EPB41: variants seen among roughly 807,000 people sequenced by gnomAD.
EPB41 encodes protein 4.1.
A neutral mutation model predicts 108.0 loss-of-function variants in EPB41; 65 were observed. The observed-to-expected ratio is 0.60, with a 90% CI of 0.49 to 0.74. The LOEUF is 0.74. EPB41 is among the 30% of genes least tolerant of loss of function. EPB41 has a pLI of 0.00. For missense variants in EPB41, 875 were observed against 1,037.0 expected (o/e 0.84, Z 2.15); for synonymous variants, 336 against 358.9 (o/e 0.94, Z 0.72).
chr1:29,053,679 C>T (rs1333287197), intron 12 of EPB41: 1 of 203,346 alleles, frequency 4.9e-6, no homozygotes, highest in East Asian at 1.3e-4. Context: ...CCTGCCTCAG[C>T]CTCCTGATTA....
At chr1:28,979,208 G>C (rs1324392042) in intron 1 of EPB41, among the ~76,000 whole-genome samples, 2 of 151,488 alleles carry the variant, frequency 1.3e-5, no homozygotes, top group Admixed American at 1.3e-4. Context: ...AAGTTTAAAA[G>C]CTAATTATTA....
At chr1:29,055,905 C>G (rs1645295814) in intron 12 of EPB41, among the ~76,000 whole-genome samples, 1 of 121,180 alleles carries the variant, frequency 8.3e-6, no homozygotes, top group Non-Finnish European at 1.6e-5. Flanking sequence ...GCCACGCCAG[C>G]CTGGGCAACA....
At chr1:28,910,947 A>G, upstream of EPB41, 1 of 983,986 alleles carries the variant, frequency 1.0e-6, no homozygotes, top group Non-Finnish European at 1.2e-6. Flanking sequence ...GCTGCCACCC[A>G]GATGTGAGCA....
chr1:29,103,730 C>T (rs756234818), intron 17 of EPB41, among the ~76,000 whole-genome samples: 12 of 152,028 alleles, frequency 7.9e-5, no homozygotes, highest in African/African-American at 2.7e-4. Context: ...TGCAGTGGCG[C>T]GATCTCGGCT....
In EPB41 at chr1:28,980,985, C is replaced by T. The variant is rs1262870078; in HGVS notation, c.-7-6446C>T. On this transcript the variant is annotated intron_variant, in intron 1 of 20. Transcript: ENST00000343067. ...ACAGGGTTTTACCACTTTGGCCAGG[C>T]TGGCCTCGAACTCCTGACCTCAGGT... Among the ~76,000 whole-genome samples, 3 of 152,180 alleles carry T rather than the reference C, an allele frequency of 2.0e-5. No individual in the cohort carries two copies. In the East Asian group the frequency reaches 5.8e-4, roughly 29 times the overall value.
chr1:29,024,166 C>T (rs189921131), intron 7 of EPB41, among the ~76,000 whole-genome samples: 2 of 151,432 alleles, frequency 1.3e-5, no homozygotes, highest in Admixed American at 1.3e-4. Flanking sequence ...GAAACCCCAT[C>T]TCTACTGAAA....
intron 1 of EPB41, among the ~76,000 whole-genome samples, chr1:28,935,597 C>T (rs2093988514): frequency 6.6e-6 from 1 of 151,620 alleles, no homozygotes; most frequent in Non-Finnish European, 1.5e-5. Flanking sequence ...TCAAATAGAG[C>T]TTCCATCGAG....
intron 16 of EPB41, among the ~76,000 whole-genome samples, chr1:29,086,474 A>G (rs571882036): frequency 5.8e-4 from 88 of 152,074 alleles, no homozygotes; most frequent in African/African-American, 1.7e-3. Context: ...GGGTTTCACC[A>G]TGTTGGCCAG....
intron 17 of EPB41, among the ~76,000 whole-genome samples, chr1:29,100,465 A>AAAAT (rs887260981): frequency 7.5e-5 from 11 of 146,748 alleles, no homozygotes; most frequent in East Asian, 6.0e-4. Flanking sequence ...TCTGTCTCAA[A>AAAAT]AAATAAATAA....
At chr1:29,054,799 A>G (rs917382834) in intron 12 of EPB41, among the ~76,000 whole-genome samples, 10 of 152,094 alleles carry the variant, frequency 6.6e-5, no homozygotes, top group South Asian at 4.1e-4. Context: ...GCTTCAGTGC[A>G]CCGAGATCGC....
At chr1:29,110,697 A>G (rs1232865728) in intron 18 of EPB41, among the ~76,000 whole-genome samples, 1 of 152,214 alleles carries the variant, frequency 6.6e-6, no homozygotes, top group Non-Finnish European at 1.5e-5. Flanking sequence ...GATGACTGGA[A>G]ACTAGTTAAC....
chr1:29,116,438 G>A (rs1317794521), intron 20 of EPB41, among the ~76,000 whole-genome samples: 2 of 152,094 alleles, frequency 1.3e-5, no homozygotes, highest in African/African-American at 4.8e-5. Flanking sequence ...ACAGGCATGA[G>A]CCACCGCGCC....
At chr1:28,932,935 A>G (rs2093822742) in intron 1 of EPB41, among the ~76,000 whole-genome samples, 2 of 152,190 alleles carry the variant, frequency 1.3e-5, no homozygotes, top group South Asian at 4.1e-4. Flanking sequence ...TTCTTGTTTT[A>G]CAAAGACACG....
chr1:28,969,952 T>C (rs1283595197), intron 1 of EPB41, among the ~76,000 whole-genome samples: 1 of 152,186 alleles, frequency 6.6e-6, no homozygotes, highest in Non-Finnish European at 1.5e-5. Flanking sequence ...TATTATTCTC[T>C]GCTAAAGTTT....
chr1:29,051,162 G>A (rs1042830790), intron 11 of EPB41, among the ~76,000 whole-genome samples: 4 of 115,272 alleles, frequency 3.5e-5, no homozygotes, highest in Admixed American at 1.3e-4. Flanking sequence ...GCAGTGGCAC[G>A]ATCTCAGCTC....
At chr1:28,899,838 A>G (rs531556437) in intron 1 of EPB41, among the ~76,000 whole-genome samples, 8 of 152,310 alleles carry the variant, frequency 5.3e-5, no homozygotes, top group African/African-American at 1.9e-4. Flanking sequence ...TACAGGATTA[A>G]AAGTAGGGAT....
rs538714751 is a variant in EPB41 at position 29,103,327 on chromosome 1, C to A, written c.2313+5392C>A. Among the ~76,000 whole-genome samples, 19 of 152,312 alleles carry A rather than the reference C, an allele frequency of 1.2e-4. No individual in the cohort carries two copies. The South Asian group carries it at 3.9e-3, about 32-fold the overall frequency. ...TACAAAAAAAGGAAATGGAAGCAGT[C>A]ATTTTAAAATATCCTGACATATTAG... On this transcript the variant is annotated intron_variant, in intron 17 of 20. Transcript: ENST00000343067.
chr1:28,946,002 A>C (rs2094475090), intron 1 of EPB41, among the ~76,000 whole-genome samples: 1 of 152,310 alleles, frequency 6.6e-6, no homozygotes, highest in South Asian at 2.1e-4. Flanking sequence ...TGGGAAATTC[A>C]TCTTTGAAAA....
chr1:28,915,501 A>G (rs2092566875), intron 1 of EPB41, among the ~76,000 whole-genome samples: 1 of 151,884 alleles, frequency 6.6e-6, no homozygotes, highest in Non-Finnish European at 1.5e-5. Flanking sequence ...TTTTGCCAAA[A>G]CAGGTCATGC....
Sources: gnomAD v4.1 joint callset for allele counts (sites outside exome capture counted in the v4.1 genomes callset) on GRCh38, gnomAD v4.1.1 for gene constraint, MANE v1.5 for transcripts, NCBI Gene and HGNC (gene_info 2026-07-23, HGNC 2026-07-21) for gene names.